VTI1A: variants seen among roughly 807,000 people sequenced by gnomAD.
VTI1A encodes the protein vesicle transport through interaction with t-SNAREs 1A.
Under a neutral mutation model 34.9 loss-of-function variants are expected in VTI1A, and 22 were observed. The ratio of observed to expected loss-of-function variants is 0.63; its 90% CI spans 0.45 to 0.90. The LOEUF (loss-of-function observed/expected upper bound fraction) is 0.90. Ranked by LOEUF, VTI1A falls within the 40% of genes least tolerant of loss-of-function variation. The probability of loss-of-function intolerance (pLI) is 0.00; values close to 1 mark genes in which losing one functional copy is unlikely to be tolerated. For synonymous variants in VTI1A, 87 were observed against 97.3 expected (o/e 0.89, Z 0.62); for missense variants, 268 against 275.6 (o/e 0.97, Z 0.20).
chr10:112,516,499 TAGAAA>T (rs959805293), intron 3 of VTI1A, among the ~76,000 whole-genome samples: 2 of 152,124 alleles, frequency 1.3e-5, no homozygotes, highest in Non-Finnish European at 2.9e-5. Context: ...GATATTCTGT[TAGAAA>T]AGGTATCTCC....
intron 7 of VTI1A, among the ~76,000 whole-genome samples, chr10:112,799,167 C>A (rs546703885): frequency 4.0e-4 from 61 of 152,272 alleles, no homozygotes; most frequent in African/African-American, 1.4e-3. Context: ...CTTCTGAGAG[C>A]CGCAGGGGTC....
intron 5 of VTI1A, among the ~76,000 whole-genome samples, chr10:112,611,098 C>T (rs1439713066): frequency 1.3e-5 from 2 of 152,182 alleles, no homozygotes; most frequent in Non-Finnish European, 2.9e-5. Context: ...CTTTTAATCT[C>T]AGCCATTTGT....
At chr10:112,627,447 A>G (rs994549307) in intron 5 of VTI1A, among the ~76,000 whole-genome samples, 2 of 152,110 alleles carry the variant, frequency 1.3e-5, no homozygotes, top group African/African-American at 2.4e-5. Flanking sequence ...CTTTATTACA[A>G]ATTATTTAAA....
At chr10:112,555,076 G>C (rs909555088) in intron 5 of VTI1A, among the ~76,000 whole-genome samples, 3 of 151,918 alleles carry the variant, frequency 2.0e-5, no homozygotes, top group Non-Finnish European at 2.9e-5. Context: ...GATAATAATA[G>C]AAATGGTAAC....
At chr10:112,546,961 T>G (rs898613794) in intron 5 of VTI1A, among the ~76,000 whole-genome samples, 2 of 152,166 alleles carry the variant, frequency 1.3e-5, no homozygotes, top group African/African-American at 4.8e-5. Context: ...ATTTCAGTAT[T>G]TCCATGCTAT....
intron 5 of VTI1A, among the ~76,000 whole-genome samples, chr10:112,566,633 A>G (rs890707681): frequency 6.6e-6 from 1 of 152,196 alleles, no homozygotes; most frequent in Non-Finnish European, 1.5e-5. Context: ...TAATAATAGT[A>G]GAGAAACTTG....
Position 112,767,366 on chromosome 10 carries a change from ATTTG to A in VTI1A, c.561-47920_561-47917del, listed in dbSNP as rs1359112063. On this transcript the variant is annotated intron_variant, in intron 7 of 7. Transcript: ENST00000393077. The surrounding 1 kb of genome is among the most constrained non-coding windows in gnomAD (Gnocchi z 4.0). ...GACCTCAGAGCCCATACTCTTAATC[ATTTG>A]TTTATTTTGCTTCCCCAAGTCCCTT... Among the ~76,000 whole-genome samples, 1 of 152,170 alleles carries A rather than the reference ATTTG, an allele frequency of 6.6e-6. No individual in the cohort carries two copies. The highest frequency in any genetic ancestry group is 1.5e-5 in the Non-Finnish European group (1 of 68,044).
At chr10:112,730,554 T>C (rs1850213433) in intron 7 of VTI1A, among the ~76,000 whole-genome samples, 1 of 151,556 alleles carries the variant, frequency 6.6e-6, no homozygotes, top group African/African-American at 2.4e-5. Flanking sequence ...TCCTATGTAT[T>C]ACAACATCTA....
intron 5 of VTI1A, among the ~76,000 whole-genome samples, chr10:112,621,597 A>G (rs1333821558): frequency 6.6e-6 from 1 of 152,210 alleles, no homozygotes; most frequent in Non-Finnish European, 1.5e-5. Context: ...CTAATCTGGG[A>G]ACCATTCCAC....
intron 7 of VTI1A, among the ~76,000 whole-genome samples, chr10:112,702,527 C>T (rs1849045506): frequency 6.6e-6 from 1 of 151,616 alleles, no homozygotes; most frequent in South Asian, 2.1e-4. Flanking sequence ...TCAAGTGATT[C>T]TTGTGCCTCA....
chr10:112,452,826 C>G (rs752855106), intron 1 of VTI1A, among the ~76,000 whole-genome samples: 4 of 151,578 alleles, frequency 2.6e-5, no homozygotes, highest in Non-Finnish European at 5.9e-5. Flanking sequence ...TCCCATATAC[C>G]CCATGCCCAG....
At chr10:112,712,510 A>C (rs1400591408) in intron 7 of VTI1A, among the ~76,000 whole-genome samples, 2 of 150,178 alleles carry the variant, frequency 1.3e-5, no homozygotes, top group Non-Finnish European at 3.0e-5. Context: ...ACACACACAC[A>C]CATTAAATGA....
intron 7 of VTI1A, among the ~76,000 whole-genome samples, chr10:112,729,006 A>G (rs1021131435): frequency 6.6e-6 from 1 of 152,148 alleles, no homozygotes; most frequent in African/African-American, 2.4e-5. Flanking sequence ...CTTAACAACC[A>G]TGATGCCTTT....
intron 5 of VTI1A, among the ~76,000 whole-genome samples, chr10:112,586,750 T>C (rs1440993118): frequency 1.3e-5 from 2 of 152,206 alleles, no homozygotes; most frequent in Non-Finnish European, 1.5e-5. Flanking sequence ...GTTACTCTCA[T>C]AGCCATGGTA....
chr10:112,479,529 G>T (rs1848395546), intron 3 of VTI1A, among the ~76,000 whole-genome samples: 3 of 152,118 alleles, frequency 2.0e-5, no homozygotes, highest in Admixed American at 2.0e-4. Flanking sequence ...TCAACCACTT[G>T]AGAAGAGACT....
intron 7 of VTI1A, among the ~76,000 whole-genome samples, chr10:112,759,462 C>T (rs1397852177): frequency 6.6e-6 from 1 of 152,126 alleles, no homozygotes; most frequent in Admixed American, 6.5e-5. Context: ...TTCTTATTTC[C>T]CCGAGCGTAT....
intron 5 of VTI1A, among the ~76,000 whole-genome samples, chr10:112,569,662 T>C (rs1030950099): frequency 2.0e-5 from 3 of 152,000 alleles, no homozygotes; most frequent in Non-Finnish European, 4.4e-5. Context: ...CTTTGGAAGG[T>C]GGTGATATGG....
chr10:112,600,051 C>G (rs1256666139), intron 5 of VTI1A, among the ~76,000 whole-genome samples: 3 of 152,176 alleles, frequency 2.0e-5, no homozygotes, highest in Admixed American at 2.0e-4. Flanking sequence ...ACCATATCTG[C>G]AGGCTCACAG....
chr10:112,803,228 C>T (rs1390715041), intron 7 of VTI1A, among the ~76,000 whole-genome samples: 2 of 152,094 alleles, frequency 1.3e-5, no homozygotes, highest in African/African-American at 4.8e-5. Context: ...GCCACCATGC[C>T]CGGCTAATTT....
Sources: allele counts gnomAD v4.1 joint callset (sites outside exome capture counted in the v4.1 genomes callset), GRCh38; gene constraint gnomAD v4.1.1; non-coding constraint Gnocchi (gnomAD v3.1); transcripts MANE v1.5; gene names NCBI Gene and HGNC (gene_info 2026-07-23, HGNC 2026-07-21).